The following ANKDD1A variants were observed in gnomAD, a reference collection of about 807,000 sequenced individuals.
ANKDD1A encodes ankyrin repeat and death domain containing 1A.
ANKDD1A carries 59 observed loss-of-function variants against 63.5 expected under a neutral mutation model. That is an observed-to-expected ratio of 0.93 (90% confidence interval 0.75 to 1.15). The LOEUF (loss-of-function observed/expected upper bound fraction) is 1.15, where lower values mean the gene tolerates loss of function less well. ANKDD1A is among the 50% of genes most tolerant of loss of function. The probability of loss-of-function intolerance (pLI) is 0.00; values close to 1 mark genes in which losing one functional copy is unlikely to be tolerated. For synonymous variants in ANKDD1A, 266 were observed against 263.9 expected (o/e 1.01, Z -0.08); for missense variants, 632 against 656.4 (o/e 0.96, Z 0.41).
intron 9 of ANKDD1A, among the ~76,000 whole-genome samples, chr15:64,936,432 T>G (rs1203601605): frequency 3.9e-5 from 6 of 152,258 alleles, no homozygotes; most frequent in African/African-American, 1.4e-4. Context: ...CTGTTTTTGC[T>G]GCCTATTTAT....
At position 64,944,639 on chromosome 15, in the gene ANKDD1A, C is replaced by T. The variant is rs374017479; in HGVS notation, c.1066-13C>T. 10 of 1,612,936 alleles carry T rather than the reference C, an allele frequency of 6.2e-6. No homozygotes were observed. In the African/African-American group the frequency reaches 1.2e-4, roughly 19 times the overall value. ...TAGAAACTCTGGCTTCTCTTCTTGC[C>T]TCTTAATTGCAGCAGGGAAAAACCG... On this transcript the variant is annotated splice_polypyrimidine_tract_variant and intron_variant, in intron 11 of 14. Transcript: ENST00000319580.
At chr15:64,940,826 C>T (rs2085177960) in intron 9 of ANKDD1A, among the ~76,000 whole-genome samples, 1 of 152,102 alleles carries the variant, frequency 6.6e-6, no homozygotes, top group Non-Finnish European at 1.5e-5. Context: ...GCAGCCTCGT[C>T]CTCTTGGGTT....
intron 1 of ANKDD1A, among the ~76,000 whole-genome samples, chr15:64,912,254 T>A (rs1166586487): frequency 6.6e-6 from 1 of 152,222 alleles, no homozygotes; most frequent in Non-Finnish European, 1.5e-5. Flanking sequence ...TGCTGTACTT[T>A]GTGTGCCAGG....
intron 9 of ANKDD1A, among the ~76,000 whole-genome samples, chr15:64,939,842 T>C (rs972203407): frequency 8.5e-5 from 13 of 152,104 alleles, no homozygotes; most frequent in South Asian, 8.3e-4. Context: ...TATACAAAAT[T>C]AACTCAAAAT....
chr15:64,926,777 G>A lies in ANKDD1A; in HGVS notation c.472-124G>A, dbSNP rs538539873. 2.5e-5 allele frequency: 24 copies of A among 954,946 alleles called. No homozygotes were observed. The Admixed American group carries it at 3.1e-4, about 12-fold the overall frequency. The allele number at this position is 954,946 out of a possible 1,614,324, so 59.2% of individuals were successfully genotyped here. ...TGTGGGGAGGCAAGGGGAGAGGACA[G>A]TGTCTGGGGCAGGAGAGGCCACTAC... is the stretch of plus-strand genomic sequence containing the variant. On this transcript the variant is annotated intron_variant, in intron 5 of 14. Transcript: ENST00000319580.
intron 14 of ANKDD1A, among the ~76,000 whole-genome samples, chr15:64,955,527 T>G (rs1339571741): frequency 6.6e-6 from 1 of 152,126 alleles, no homozygotes; most frequent in East Asian, 1.9e-4. Flanking sequence ...AGCAGGGGGA[T>G]GTGTTTCTGG....
chr15:64,922,265 T>A (rs1183478671), intron 4 of ANKDD1A: 1 of 497,104 alleles, frequency 2.0e-6, no homozygotes, highest in Non-Finnish European at 3.6e-6. Context: ...AGAGGGTAGT[T>A]AGAAAAATTA....
At chr15:64,913,694 T>C (rs1438623676) in intron 1 of ANKDD1A, among the ~76,000 whole-genome samples, 5 of 152,280 alleles carry the variant, frequency 3.3e-5, no homozygotes, top group South Asian at 2.1e-4. Flanking sequence ...GTGTGGAATT[T>C]ATCTAGAAAA....
chr15:64,952,294 TCTC>T (rs1219462144), intron 14 of ANKDD1A, among the ~76,000 whole-genome samples: 13 of 149,036 alleles, frequency 8.7e-5, no homozygotes, highest in African/African-American at 3.0e-4. Flanking sequence ...TTCTCCTTCC[TCTC>T]CTCCTCCTTC....
At chr15:64,950,559 A>G (rs1375097383) in intron 14 of ANKDD1A, 3 of 985,322 alleles carry the variant, frequency 3.0e-6, no homozygotes, top group Non-Finnish European at 2.4e-6. Flanking sequence ...TGTGATACCC[A>G]CTGACGTGGT....
chr15:64,950,723 A>AGGTGGGGGGGGGG, intron 14 of ANKDD1A: 1 of 919,620 alleles, frequency 1.1e-6, no homozygotes, highest in Non-Finnish European at 1.3e-6. Flanking sequence ...GGGAAAAGAA[A>AGGTGGGGGGGGGG]GGACCGCCCC....
Position 64,943,495 on chromosome 15 carries a change from G to C in ANKDD1A, c.978G>C (p.Thr326=), listed in dbSNP as rs762452141. The change falls in exon 11 of 15, where the codon ACG becomes ACC. Residue 326 remains threonine (T), a synonymous_variant. Transcript: ENST00000319580. ...DVNAVDNRQQ[T]PLHLAAEHAW... ...GGCTTCTCCCCTAGAGGCAGCAGACGCCCCTTCACCTGGCTGCAGAGCACG... is the reference window on the plus strand; with the variant it reads ...GGCTTCTCCCCTAGAGGCAGCAGACCCCCCTTCACCTGGCTGCAGAGCACG... 6.2e-7 allele frequency: 1 copy of C among 1,614,092 alleles called. No homozygotes were observed. The highest frequency in any genetic ancestry group is 8.5e-7 in the Non-Finnish European group (1 of 1,179,996).
chr15:64,929,474 A>T (rs1294200090), intron 6 of ANKDD1A, among the ~76,000 whole-genome samples: 3 of 152,048 alleles, frequency 2.0e-5, no homozygotes, highest in African/African-American at 4.8e-5. Flanking sequence ...CAGCAGGGAG[A>T]TCCCTTTAAA....
Position 64,926,137 on chromosome 15 carries a change from C to T in ANKDD1A, c.438C>T (p.Asp146=). 1 of 1,614,040 alleles carries T rather than the reference C, an allele frequency of 6.2e-7. No homozygotes were observed. Among genetic ancestry groups the T allele is most frequent in the Non-Finnish European group, 8.5e-7 (1 of 1,179,992 alleles). Residue 146 remains aspartate (D), a synonymous_variant, in exon 5 of 15, where the codon GAC becomes GAT. Coordinates refer to ENST00000319580, the MANE Select transcript of ANKDD1A (RefSeq NM_182703.6). ...HVPVLAFIME[D]LEDVALDHVD... is the part of the protein sequence containing the mutation. ...CTGTGCTGGCGTTCATAATGGAGGACCTGGAGGATGTGGCCCTGGACCACG... is the reference window on the plus strand; with the variant it reads ...CTGTGCTGGCGTTCATAATGGAGGATCTGGAGGATGTGGCCCTGGACCACG...
intron 14 of ANKDD1A, among the ~76,000 whole-genome samples, chr15:64,952,954 TCTTCC>T (rs1286648286): frequency 5.0e-5 from 1 of 19,878 alleles, no homozygotes; most frequent in Admixed American, 9.5e-4. Context: ...TCCTTCTCTT[TCTTCC>T]TCTTCTTCTT....
At chr15:64,950,007 G>A (rs766608167) in intron 14 of ANKDD1A, 35 bp downstream of exon 14, 2 of 1,599,502 alleles carry the variant, frequency 1.3e-6, no homozygotes, top group South Asian at 1.1e-5. Context: ...CTTCTCAGGA[G>A]CTGGGTGGCC....
At chr15:64,938,589 A>G (rs915224232) in intron 9 of ANKDD1A, among the ~76,000 whole-genome samples, 11 of 152,236 alleles carry the variant, frequency 7.2e-5, no homozygotes, top group African/African-American at 2.4e-4. Flanking sequence ...CAAGAGGAGC[A>G]TAGGGAGACA....
intron 14 of ANKDD1A, among the ~76,000 whole-genome samples, chr15:64,953,534 C>CTTCTTCCT (rs2085344573): frequency 1.0e-4 from 7 of 70,172 alleles, no homozygotes; most frequent in East Asian, 6.3e-4. Flanking sequence ...CCTTCTTCTC[C>CTTCTTCCT]TCTCCTTCTT....
At chr15:64,951,159 G>C in intron 14 of ANKDD1A, 1 of 1,095,894 alleles carries the variant, frequency 9.1e-7, no homozygotes, top group East Asian at 8.6e-5. Context: ...GTCATGCAGA[G>C]CCCAGGAGGC....
Sources: allele counts gnomAD v4.1 joint callset (sites outside exome capture counted in the v4.1 genomes callset), GRCh38; gene constraint gnomAD v4.1.1; transcripts MANE v1.5; gene names NCBI Gene and HGNC (gene_info 2026-07-23, HGNC 2026-07-21).